Variants in ELL observed in about 807,000 individuals in gnomAD.
ELL encodes RNA polymerase II elongation factor ELL.
A neutral mutation model predicts 64.0 loss-of-function variants in ELL; 18 were observed. The observed-to-expected ratio is 0.28, with a 90% CI of 0.19 to 0.42. The LOEUF (loss-of-function observed/expected upper bound fraction) is 0.42, where lower values mean the gene tolerates loss of function less well. Among genes scored for constraint, ELL ranks in the 10% least tolerant of loss-of-function variants. ELL has a pLI of 1.00. For missense variants in ELL, 797 were observed against 870.4 expected, an observed-to-expected ratio of 0.92 and a Z score of 1.06; for synonymous variants, 399 against 376.2, an observed-to-expected ratio of 1.06 and a Z score of -0.70.
At chr19:18,514,396 C>A (rs1442783091) in intron 1 of ELL, among the ~76,000 whole-genome samples, 1 of 151,486 alleles carries the variant, frequency 6.6e-6, no homozygotes, top group African/African-American at 2.4e-5. Context: ...CGCCTGTAGT[C>A]CCAGCTACTC....
At chr19:18,498,302 T>C (rs1463443826) in intron 1 of ELL, among the ~76,000 whole-genome samples, 1 of 152,138 alleles carries the variant, frequency 6.6e-6, no homozygotes, top group Non-Finnish European at 1.5e-5. Flanking sequence ...CCAACCCGGA[T>C]CACTAAAACT....
At chr19:18,521,851 G>C in intron 1 of ELL, 70 bp downstream of exon 1, 1 of 1,513,488 alleles carries the variant, frequency 6.6e-7, no homozygotes, top group South Asian at 1.2e-5. Context: ...GGACGCCTCA[G>C]TGAGGGGAGC....
intron 1 of ELL, among the ~76,000 whole-genome samples, chr19:18,503,158 G>A (rs553988378): frequency 6.6e-5 from 10 of 152,368 alleles, no homozygotes; most frequent in African/African-American, 1.9e-4. Flanking sequence ...GGCACCCAGC[G>A]CAGGGACATC....
intron 1 of ELL, among the ~76,000 whole-genome samples, chr19:18,495,019 G>A (rs1174334086): frequency 6.6e-6 from 1 of 152,236 alleles, no homozygotes; most frequent in Non-Finnish European, 1.5e-5. Flanking sequence ...CAATCAAGGT[G>A]TGGGCTATAA....
Position 18,480,562 on chromosome 19 carries a change from G to T in ELL, c.136-7680C>A, listed in dbSNP as rs554199703. On this transcript the variant is annotated intron_variant, in intron 1 of 11. Transcript: ENST00000262809. ...TGTGTTCAGCAGGCCAGGTGGGCCTGTAAGAGCAGGAAAGGGACTCCAACT... is the reference window on the plus strand; with the variant it reads ...TGTGTTCAGCAGGCCAGGTGGGCCTTTAAGAGCAGGAAAGGGACTCCAACT... 2.6e-5 allele frequency among the ~76,000 whole-genome samples: 4 copies of T among 152,246 alleles called. No homozygotes were observed. The South Asian group carries it at 8.3e-4, about 32-fold the overall frequency.
intron 1 of ELL, among the ~76,000 whole-genome samples, chr19:18,474,591 G>C (rs936219648): frequency 1.3e-5 from 2 of 152,226 alleles, no homozygotes. Context: ...CACTGTCCAT[G>C]GTGCAACACG....
At position 18,443,155 on chromosome 19, in the gene ELL, G is replaced by A. The variant is rs1025075684; in HGVS notation, c.*1597C>T. ...CCTGCGGGCGACACAGCAAGGTCCA[G>A]CTGACTCTGGAGGCCTCCTGGAGCC... On this transcript the variant is annotated 3_prime_UTR_variant, in exon 12 of 12. Coordinates refer to ENST00000262809, the MANE Select transcript of ELL (RefSeq NM_006532.4). The A allele has an allele frequency of 1.3e-5, 3 of 232,186 alleles. No homozygotes were observed. Among genetic ancestry groups the A allele is most frequent in the Non-Finnish European group, 2.6e-5 (3 of 117,430 alleles). 14.4% of individuals were successfully genotyped at this position (232,186 alleles called of 1,614,324 possible). A position where few individuals can be genotyped will look rare whatever the true frequency, so the allele number is the denominator to read the frequency against.
intron 1 of ELL, among the ~76,000 whole-genome samples, chr19:18,479,696 GAGACTC>G (rs1423307492): frequency 8.2e-6 from 1 of 122,250 alleles, no homozygotes; most frequent in African/African-American, 3.6e-5. Flanking sequence ...ACGACAGAGT[GAGACTC>G]CATCTCAAAA....
intron 1 of ELL, among the ~76,000 whole-genome samples, chr19:18,517,343 C>T (rs1976151412): frequency 1.3e-5 from 2 of 152,088 alleles, no homozygotes; most frequent in Admixed American, 1.3e-4. Context: ...CTGCAACCTC[C>T]ATCTCCCAGA....
At chr19:18,479,267 A>AAAATACTT (rs1975242216) in intron 1 of ELL, among the ~76,000 whole-genome samples, 1 of 152,206 alleles carries the variant, frequency 6.6e-6, no homozygotes, top group African/African-American at 2.4e-5. Context: ...CCAAATGTCA[A>AAAATACTT]GCAGTGCAGG....
At chr19:18,500,651 C>T (rs972298092) in intron 1 of ELL, among the ~76,000 whole-genome samples, 37 of 152,278 alleles carry the variant, frequency 2.4e-4, no homozygotes, top group African/African-American at 7.5e-4. Flanking sequence ...CACTGGTGCC[C>T]TGCAACCTCT....
Position 18,446,469 on chromosome 19 carries a change from G to A in ELL, c.1544C>T (p.Ala515Val). 3.1e-6 allele frequency: 5 copies of A among 1,612,092 alleles called. No individual in the cohort carries two copies. The highest frequency in any genetic ancestry group is 4.2e-6 in the Non-Finnish European group (5 of 1,179,814). The part of the protein sequence containing the change: ...ETPDYLLKYA[A>V]ISSSEQRQSY... ...CTGGCGCTGCTCCGAAGAGGAGATGGCTGCGTACTTCCTGAAACAGGAGAG... is the reference window on the plus strand; with the variant it reads ...CTGGCGCTGCTCCGAAGAGGAGATGACTGCGTACTTCCTGAAACAGGAGAG... Residue 515 changes from alanine (A) to valine (V), a missense_variant, in exon 10 of 12, where the codon GCC becomes GTC. Coordinates refer to ENST00000262809, the MANE Select transcript of ELL (RefSeq NM_006532.4).
chr19:18,450,960 G>A lies in ELL; in HGVS notation c.982C>T (p.Pro328Ser). ...TTGGCTAGGGGGTCGATGAAATCAG[G>A]AGGCTGCAGCCGCTTCTGGAGAGGA... ...ASPPQKRLQP[P>S]DFIDPLANKK... is the part of the protein sequence containing the mutation. Residue 328 changes from proline to serine, a missense_variant, in exon 8 of 12, where the codon CCT becomes TCT. Transcript: ENST00000262809. The A allele has an allele frequency of 2.0e-6, 3 of 1,525,036 alleles. No homozygotes were observed. The highest frequency in any genetic ancestry group is 2.6e-6 in the Non-Finnish European group (3 of 1,136,312). 94.5% of individuals were successfully genotyped at this position (1,525,036 alleles called of 1,614,324 possible).
At chr19:18,466,864 C>A (rs1386892727) in intron 2 of ELL, among the ~76,000 whole-genome samples, 5 of 152,212 alleles carry the variant, frequency 3.3e-5, no homozygotes, top group Non-Finnish European at 5.9e-5. Flanking sequence ...CCTTGGCACC[C>A]AAGCCCCGTC....
At chr19:18,480,820 G>C (rs1334733574) in intron 1 of ELL, among the ~76,000 whole-genome samples, 1 of 152,028 alleles carries the variant, frequency 6.6e-6, no homozygotes, top group African/African-American at 2.4e-5. Context: ...TTTCTGTAGA[G>C]ATAGGGTTTT....
rs191736613 is a variant in ELL, at chr19:18,501,382, C to T, written c.135+20539G>A. On this transcript the variant is annotated intron_variant, in intron 1 of 11. Coordinates refer to ENST00000262809, the MANE Select transcript of ELL (RefSeq NM_006532.4). The surrounding 1 kb of genome is among the most constrained non-coding windows in gnomAD (Gnocchi z 4.5). The stretch of plus-strand genomic sequence containing the variant: ...TCAAAAACCCTGCTGAGCGAGAGAA[C>T]GTGGGAAAGGGCCTGGGATGGGCCC... 2.6e-3 allele frequency among the ~76,000 whole-genome samples: 401 copies of T among 152,320 alleles called. 1 individual carries two copies. The highest frequency in any genetic ancestry group is 7.7e-3 in the African/African-American group (319 of 41,560).
intron 1 of ELL, among the ~76,000 whole-genome samples, chr19:18,519,833 GA>G: frequency 6.7e-6 from 1 of 148,422 alleles, no homozygotes; most frequent in African/African-American, 2.5e-5. Flanking sequence ...AAGAAAGAAA[GA>G]AAGAAAGAAA....
chr19:18,447,538 G>A (rs1974440783), intron 8 of ELL, among the ~76,000 whole-genome samples: 1 of 152,258 alleles, frequency 6.6e-6, no homozygotes, highest in Non-Finnish European at 1.5e-5. Flanking sequence ...GCCCAAAGCA[G>A]CACAGCTGAT....
intron 2 of ELL, chr19:18,472,552 C>T (rs1568385370): frequency 4.5e-6 from 2 of 441,448 alleles, no homozygotes; most frequent in South Asian, 4.2e-5. Context: ...GTTGGGGGCC[C>T]CTGCCCTATC....
Sources: allele counts gnomAD v4.1 joint callset (sites outside exome capture counted in the v4.1 genomes callset), GRCh38; gene constraint gnomAD v4.1.1; non-coding constraint Gnocchi (gnomAD v3.1); transcripts MANE v1.5; gene names NCBI Gene and HGNC (gene_info 2026-07-23, HGNC 2026-07-21).